The following IGF2BP2 variants were observed in gnomAD, a reference collection of about 807,000 sequenced individuals.
IGF2BP2 encodes insulin like growth factor 2 mRNA binding protein 2.
In IGF2BP2, 17 loss-of-function variants were observed where a neutral mutation model predicts 75.8. That is an observed-to-expected ratio of 0.22 (90% CI 0.15 to 0.34). The LOEUF (loss-of-function observed/expected upper bound fraction) is 0.34. Ranked by LOEUF, IGF2BP2 falls within the 10% of genes least tolerant of loss-of-function variation. The probability of loss-of-function intolerance (pLI) is 1.00; values close to 1 mark genes in which losing one functional copy is unlikely to be tolerated. For missense variants in IGF2BP2, 516 were observed against 772.4 expected, an observed-to-expected ratio of 0.67 and a Z score of 3.93; for synonymous variants, 288 against 295.6, an observed-to-expected ratio of 0.97 and a Z score of 0.26.
chr3:185,823,124 A>T (rs1031086382), intron 2 of IGF2BP2, 29 bp downstream of exon 2: 2 of 1,281,924 alleles, frequency 1.6e-6, no homozygotes, highest in African/African-American at 3.1e-5. Flanking sequence ...GGCCAATCGC[A>T]AAAAAAAAAC....
At chr3:185,767,751 T>A (rs888693616) in intron 2 of IGF2BP2, 3 of 154,142 alleles carry the variant, frequency 1.9e-5, no homozygotes, top group Admixed American at 6.5e-5. Context: ...AATTATGGAA[T>A]GTATTAGGGT....
rs535438917 is a variant in IGF2BP2, at chr3:185,754,706, G to A, written c.240-56359C>T. 1.1e-4 allele frequency among the ~76,000 whole-genome samples: 16 copies of A among 152,306 alleles called. 1 individual carries two copies. The highest frequency in any genetic ancestry group is 3.6e-4 in the African/African-American group (15 of 41,572). ...TCAGGTGGAAATGAGGAAGTTAATGGGAACTGGAGTAAAAGTCACCTGCAT... is the reference window on the plus strand; with the variant it reads ...TCAGGTGGAAATGAGGAAGTTAATGAGAACTGGAGTAAAAGTCACCTGCAT... On this transcript the variant is annotated intron_variant, in intron 2 of 15. Coordinates refer to ENST00000382199, the MANE Select transcript of IGF2BP2 (RefSeq NM_006548.6).
chr3:185,744,932 T>A (rs1252839673), intron 2 of IGF2BP2, among the ~76,000 whole-genome samples: 1 of 152,264 alleles, frequency 6.6e-6, no homozygotes, highest in South Asian at 2.1e-4. Flanking sequence ...CTAGTTTTTT[T>A]AACCAATTCC....
At chr3:185,648,180 G>T (rs776439663) in intron 14 of IGF2BP2, among the ~76,000 whole-genome samples, 1 of 152,198 alleles carries the variant, frequency 6.6e-6, no homozygotes, top group Admixed American at 6.5e-5. Flanking sequence ...ACAACAGCTG[G>T]GTGTGGTGGC....
chr3:185,823,095 GTTT>G (rs1741571760), intron 2 of IGF2BP2, 55 bp downstream of exon 2: 1 of 1,200,496 alleles, frequency 8.3e-7, no homozygotes, highest in Non-Finnish European at 1.2e-6. Flanking sequence ...CTGTGTGTAC[GTTT>G]TTTACTTATA....
At chr3:185,653,171 G>A (rs567903467) in intron 12 of IGF2BP2, among the ~76,000 whole-genome samples, 15 of 152,050 alleles carry the variant, frequency 9.9e-5, no homozygotes, top group African/African-American at 2.9e-4. Context: ...CTTGTAACAC[G>A]ACTCAAACCC....
chr3:185,718,794 G>A (rs1450573054), intron 2 of IGF2BP2, among the ~76,000 whole-genome samples: 2 of 151,404 alleles, frequency 1.3e-5, no homozygotes, highest in Non-Finnish European at 2.9e-5. Flanking sequence ...GCAAAGCCAC[G>A]ATCAAAACCT....
intron 2 of IGF2BP2, among the ~76,000 whole-genome samples, chr3:185,752,300 T>C (rs981424925): frequency 2.6e-5 from 4 of 152,188 alleles, no homozygotes; most frequent in Admixed American, 2.0e-4. Flanking sequence ...AGTAGAATCA[T>C]TGGATGATAA....
Position 185,675,824 on chromosome 3 carries a change from T to C in IGF2BP2, c.902A>G (p.Glu301Gly). 4 of 1,613,640 alleles carry C rather than the reference T, an allele frequency of 2.5e-6. No individual in the cohort carries two copies. The highest frequency in any genetic ancestry group is 3.4e-6 in the Non-Finnish European group (4 of 1,179,932). The change falls in exon 8 of 16, where the codon GAA becomes GGA. Residue 301 changes from glutamate to glycine, a missense_variant. Transcript: ENST00000382199. ...TGTTATCTTGGTCCCTGTTTCATGT[T>C]CAATTTTCTTCAAATTTCTGCCTTC... is the stretch of plus-strand genomic sequence containing the variant. The part of the protein sequence containing the change: ...GKEGRNLKKI[E>G]HETGTKITIS...
At chr3:185,807,762 C>T (rs529338909) in intron 2 of IGF2BP2, among the ~76,000 whole-genome samples, 9 of 152,308 alleles carry the variant, frequency 5.9e-5, no homozygotes, top group Middle Eastern at 3.4e-3. Context: ...TTTATTCACT[C>T]TGGGGGAAGA....
At chr3:185,703,432 G>A (rs1355505838) in intron 2 of IGF2BP2, among the ~76,000 whole-genome samples, 1 of 152,102 alleles carries the variant, frequency 6.6e-6, no homozygotes, top group Non-Finnish European at 1.5e-5. Flanking sequence ...TTAAAGTAAG[G>A]AGGCAATCAG....
chr3:185,790,882 A>T (rs140487914), intron 2 of IGF2BP2, among the ~76,000 whole-genome samples: 1 of 152,360 alleles, frequency 6.6e-6, no homozygotes, highest in East Asian at 1.9e-4. Flanking sequence ...GTCTAATCAA[A>T]GACTACGTAA....
chr3:185,729,421 A>C (rs901881263), intron 2 of IGF2BP2, among the ~76,000 whole-genome samples: 3 of 152,222 alleles, frequency 2.0e-5, no homozygotes, highest in African/African-American at 7.2e-5. Flanking sequence ...TGCCAATGAT[A>C]AAATTTGACC....
At chr3:185,788,710 CTTTTTTT>C (rs1158869748) in intron 2 of IGF2BP2, among the ~76,000 whole-genome samples, 5,513 of 100,142 alleles carry the variant, frequency 0.055, 158 homozygotes, top group South Asian at 0.12. Flanking sequence ...TGACAAACGA[CTTTTTTT>C]TTTTTTTTTT....
intron 10 of IGF2BP2, among the ~76,000 whole-genome samples, chr3:185,670,623 C>T (rs1427757494): frequency 6.6e-6 from 1 of 152,156 alleles, no homozygotes; most frequent in African/African-American, 2.4e-5. Flanking sequence ...GGCTGGAGTG[C>T]AGTGCCACGA....
intron 2 of IGF2BP2, among the ~76,000 whole-genome samples, chr3:185,711,658 T>A (rs916626821): frequency 1.3e-5 from 2 of 152,210 alleles, no homozygotes; most frequent in Non-Finnish European, 2.9e-5. Context: ...GCTCAGCAGG[T>A]GGCCACAGGC....
chr3:185,650,195 C>A (rs751527448), intron 13 of IGF2BP2, among the ~76,000 whole-genome samples: 1 of 150,934 alleles, frequency 6.6e-6, no homozygotes, highest in Non-Finnish European at 1.5e-5. Flanking sequence ...GCTGGGATTA[C>A]TGGTGTAAGC....
intron 6 of IGF2BP2, 82 bp from the exon 7 acceptor site, chr3:185,687,273 T>A: frequency 1.4e-6 from 2 of 1,409,884 alleles, no homozygotes; most frequent in Admixed American, 2.4e-5. Context: ...CACCAACCCA[T>A]GTACAGCAAG....
intron 2 of IGF2BP2, among the ~76,000 whole-genome samples, chr3:185,805,211 T>C (rs1357037474): frequency 6.6e-5 from 10 of 151,968 alleles, no homozygotes; most frequent in Non-Finnish European, 1.5e-4. Context: ...TTTCTGAAAA[T>C]CCAGTAAACC....
Sources: gnomAD v4.1 joint callset for allele counts (sites outside exome capture counted in the v4.1 genomes callset) on GRCh38, gnomAD v4.1.1 for gene constraint, MANE v1.5 for transcripts, NCBI Gene and HGNC (gene_info 2026-07-23, HGNC 2026-07-21) for gene names.